SCHIP1: variants seen among roughly 807,000 people sequenced by gnomAD.
The protein encoded by SCHIP1 is schwannomin-interacting protein 1.
Under a neutral mutation model 29.7 loss-of-function variants are expected in SCHIP1, and 8 were observed. The ratio of observed to expected loss-of-function variants is 0.27; its 90% CI spans 0.16 to 0.49. The LOEUF is 0.49. SCHIP1 is among the 20% of genes least tolerant of loss of function. The pLI is 0.99. For synonymous variants in SCHIP1, 76 were observed against 94.9 expected, an observed-to-expected ratio of 0.80 and a Z score of 1.16; for missense variants, 193 against 294.6, an observed-to-expected ratio of 0.66 and a Z score of 2.52.
chr3:159,799,030 A>G, the SCHIP1 span, among the ~76,000 whole-genome samples: 2 of 152,196 alleles, frequency 1.3e-5, no homozygotes, highest in Non-Finnish European at 2.9e-5. Context: ...TATGCAAATG[A>G]GAGGAGTTGG....
At chr3:159,371,317 C>A in the SCHIP1 span, among the ~76,000 whole-genome samples, 32 of 152,262 alleles carry the variant, frequency 2.1e-4, no homozygotes, top group East Asian at 6.0e-3. Flanking sequence ...TGTAAGCCAG[C>A]CCTTACCTAA....
the SCHIP1 span, among the ~76,000 whole-genome samples, chr3:159,362,590 T>C: frequency 6.6e-6 from 1 of 152,184 alleles, no homozygotes; most frequent in East Asian, 1.9e-4. Flanking sequence ...TATGTGCTCC[T>C]GTATACACCA....
At chr3:159,760,143 T>C in the SCHIP1 span, among the ~76,000 whole-genome samples, 2 of 152,144 alleles carry the variant, frequency 1.3e-5, no homozygotes, top group Non-Finnish European at 2.9e-5. Flanking sequence ...TTTTTGGAAG[T>C]ATCTATACTC....
At chr3:159,274,931 A>G in the SCHIP1 span, 1 of 965,488 alleles carries the variant, frequency 1.0e-6, no homozygotes, top group Non-Finnish European at 1.2e-6. Context: ...CAATTTACTC[A>G]GCTTGACCTC....
chr3:159,485,963 G>A, the SCHIP1 span, among the ~76,000 whole-genome samples: 1 of 151,942 alleles, frequency 6.6e-6, no homozygotes, highest in Admixed American at 6.6e-5. Context: ...TACCTCCCAG[G>A]TGCCAGGTGT....
At chr3:159,657,017 T>TC in the SCHIP1 span, among the ~76,000 whole-genome samples, 2 of 151,798 alleles carry the variant, frequency 1.3e-5, no homozygotes, top group Non-Finnish European at 2.9e-5. Context: ...CAGGGGTCCC[T>TC]CCTCATGCAT....
the SCHIP1 span, among the ~76,000 whole-genome samples, chr3:159,747,231 A>G: frequency 6.6e-6 from 1 of 152,298 alleles, no homozygotes; most frequent in South Asian, 2.1e-4. Flanking sequence ...GTCTGGGCCA[A>G]CAGTCTTGGA....
At chr3:159,335,920 C>G in the SCHIP1 span, among the ~76,000 whole-genome samples, 1 of 152,230 alleles carries the variant, frequency 6.6e-6, no homozygotes, top group East Asian at 1.9e-4. Flanking sequence ...AATCGCCACA[C>G]TGACTTCCAC....
the SCHIP1 span, among the ~76,000 whole-genome samples, chr3:159,434,160 T>C: frequency 1.3e-5 from 2 of 152,330 alleles, no homozygotes; most frequent in Non-Finnish European, 2.9e-5. Flanking sequence ...GCAACATTCA[T>C]TAGGCACCTA....
the SCHIP1 span, among the ~76,000 whole-genome samples, chr3:159,544,050 T>G: frequency 6.6e-6 from 1 of 152,062 alleles, no homozygotes; most frequent in Non-Finnish European, 1.5e-5. Flanking sequence ...CTCTACCAGG[T>G]CACTTCCCAG....
chr3:159,295,709 T>A, the SCHIP1 span, among the ~76,000 whole-genome samples: 4 of 152,304 alleles, frequency 2.6e-5, no homozygotes, highest in Admixed American at 6.5e-5. Context: ...ACTGTATAGA[T>A]TTCTGTTCAT....
chr3:159,300,113 CTTTTTT>C, the SCHIP1 span, among the ~76,000 whole-genome samples: 28 of 45,380 alleles, frequency 6.2e-4, no homozygotes, highest in South Asian at 0.011. Context: ...GGGAAAGCTG[CTTTTTT>C]TTTTTTTTTT....
At chr3:159,275,786 G>A in the SCHIP1 span, among the ~76,000 whole-genome samples, 1 of 152,140 alleles carries the variant, frequency 6.6e-6, no homozygotes, top group Non-Finnish European at 1.5e-5. Context: ...GTAGAAAAAT[G>A]TTCAGAGCTA....
the SCHIP1 span, among the ~76,000 whole-genome samples, chr3:159,275,826 T>G: frequency 3.9e-5 from 6 of 152,178 alleles, no homozygotes; most frequent in African/African-American, 1.4e-4. Context: ...TTCTTTTTCT[T>G]TCTTTCTTTT....
the SCHIP1 span, among the ~76,000 whole-genome samples, chr3:159,487,198 G>C: frequency 6.6e-6 from 1 of 152,222 alleles, no homozygotes; most frequent in Non-Finnish European, 1.5e-5. Context: ...GCAATTGAGA[G>C]AAGTAGTTCA....
At chr3:159,587,477 A>G in the SCHIP1 span, among the ~76,000 whole-genome samples, 1 of 151,782 alleles carries the variant, frequency 6.6e-6, no homozygotes, top group Non-Finnish European at 1.5e-5. Flanking sequence ...TAACTTTTTT[A>G]TTTTTATTAT....
the SCHIP1 span, among the ~76,000 whole-genome samples, chr3:159,574,165 C>T: frequency 1.3e-5 from 2 of 152,226 alleles, no homozygotes; most frequent in Non-Finnish European, 2.9e-5. Context: ...TGGCGAGGAG[C>T]TGCAATCCTT....
chr3:159,667,307 C>T, the SCHIP1 span, among the ~76,000 whole-genome samples: 10 of 152,216 alleles, frequency 6.6e-5, no homozygotes, highest in African/African-American at 1.7e-4. Flanking sequence ...ATTTGAATAA[C>T]GCCCAGTTCC....
the SCHIP1 span, among the ~76,000 whole-genome samples, chr3:159,559,931 GATA>G: frequency 6.6e-6 from 1 of 152,144 alleles, no homozygotes; most frequent in African/African-American, 2.4e-5. Context: ...GATTATTGTA[GATA>G]AATAAGAATT....
Sources: allele counts gnomAD v4.1 joint callset (sites outside exome capture counted in the v4.1 genomes callset), GRCh38; gene constraint gnomAD v4.1.1; transcripts MANE v1.5; gene names NCBI Gene and HGNC (gene_info 2026-07-23, HGNC 2026-07-21).